The following CXCL13 variants were observed in gnomAD, a reference collection of about 807,000 sequenced individuals.
The protein encoded by CXCL13 is C-X-C motif chemokine 13.
In CXCL13, 7 loss-of-function variants were observed where a neutral mutation model predicts 12.2. The observed-to-expected ratio is 0.57, with a 90% confidence interval of 0.33 to 1.07. CXCL13 has a LOEUF of 1.07. Among genes scored for constraint, CXCL13 ranks in the 50% least tolerant of loss-of-function variants. The probability of loss-of-function intolerance (pLI) is 0.04; values close to 1 mark genes in which losing one functional copy is unlikely to be tolerated. For missense variants in CXCL13, 113 were observed against 127.4 expected (o/e 0.89, Z 0.55); for synonymous variants, 47 against 42.4 (o/e 1.11, Z -0.42).
At chr4:77,557,983 G>A (rs1208376651) in intron 1 of CXCL13, among the ~76,000 whole-genome samples, 3 of 152,194 alleles carry the variant, frequency 2.0e-5, no homozygotes, top group Non-Finnish European at 2.9e-5. Flanking sequence ...TCTTAGGGGT[G>A]TGTTTGCACC....
chr4:77,593,703 A>C (rs1332946334), intron 1 of CXCL13, among the ~76,000 whole-genome samples: 2 of 152,228 alleles, frequency 1.3e-5, no homozygotes, highest in Non-Finnish European at 2.9e-5. Flanking sequence ...AAGAAGAATG[A>C]GCTGTTAAAT....
At chr4:77,547,062 C>A (rs1396801499) in intron 1 of CXCL13, among the ~76,000 whole-genome samples, 1 of 152,210 alleles carries the variant, frequency 6.6e-6, no homozygotes, top group Non-Finnish European at 1.5e-5. Context: ...GAGTGAGTTT[C>A]TTAATCCCAA....
intron 1 of CXCL13, among the ~76,000 whole-genome samples, chr4:77,537,067 G>T (rs1429053740): frequency 6.6e-6 from 1 of 152,188 alleles, no homozygotes; most frequent in Non-Finnish European, 1.5e-5. Context: ...TAGTAGCAAT[G>T]ACATTCAAGG....
At chr4:77,563,132 A>G (rs1210641781) in intron 1 of CXCL13, among the ~76,000 whole-genome samples, 3 of 152,150 alleles carry the variant, frequency 2.0e-5, no homozygotes, top group Admixed American at 6.5e-5. Flanking sequence ...ACCAGAAGGA[A>G]GAAGCTCCAA....
intron 1 of CXCL13, among the ~76,000 whole-genome samples, chr4:77,586,181 C>A (rs1726453210): frequency 6.6e-6 from 1 of 151,778 alleles, no homozygotes; most frequent in Non-Finnish European, 1.5e-5. Flanking sequence ...ATATGCATAA[C>A]CTCGTTTGAA....
At chr4:77,584,634 A>C (rs1182084560) in intron 1 of CXCL13, among the ~76,000 whole-genome samples, 1 of 152,224 alleles carries the variant, frequency 6.6e-6, no homozygotes, top group Non-Finnish European at 1.5e-5. Flanking sequence ...TCTAGGGCAC[A>C]GGAAATGCTG....
chr4:77,545,636 G>A (rs1725343086), intron 1 of CXCL13, among the ~76,000 whole-genome samples: 1 of 152,166 alleles, frequency 6.6e-6, no homozygotes, highest in African/African-American at 2.4e-5. Context: ...ATCAGCTTAA[G>A]GAGATTTTGG....
At chr4:77,513,295 C>A (rs115636641) in intron 1 of CXCL13, among the ~76,000 whole-genome samples, 2 of 152,044 alleles carry the variant, frequency 1.3e-5, no homozygotes, top group Admixed American at 1.3e-4. Context: ...GGGCATATAC[C>A]CAGTGATGGG....
At chr4:77,608,021 G>T (rs530279661) in intron 2 of CXCL13, among the ~76,000 whole-genome samples, 186 bp downstream of exon 2, 1 of 152,260 alleles carries the variant, frequency 6.6e-6, no homozygotes, top group South Asian at 2.1e-4. Flanking sequence ...TGAGCTAAGT[G>T]CTTTACATGC....
rs560145750 is a variant in CXCL13 at position 77,521,043 on chromosome 4, A to G, written c.-43+9255A>G. ...TTTATTGATTTGCGTATGTTGAACC[A>G]GCCTTGCATCCCAGGGATGAAGCCA... is the stretch of plus-strand genomic sequence containing the variant. On this transcript the variant is annotated intron_variant, in intron 1 of 4. Transcript: ENST00000286758. Among the ~76,000 whole-genome samples, 765 of 152,336 alleles carry G rather than the reference A, an allele frequency of 5.0e-3. 5 individuals carry two copies. Among genetic ancestry groups the G allele is most frequent in the Middle Eastern group, 0.034 (10 of 294 alleles).
chr4:77,602,909 G>A (rs355662), upstream of CXCL13, among the ~76,000 whole-genome samples: 109 of 152,278 alleles, frequency 7.2e-4, no homozygotes, highest in African/African-American at 2.5e-3. Context: ...CTGGCTATCA[G>A]AGAGCTGCCC....
rs558629263 is a variant in CXCL13 at position 77,543,346 on chromosome 4, G to A, written c.-43+31558G>A. Among the ~76,000 whole-genome samples the A allele has an allele frequency of 3.3e-5, 5 of 151,762 alleles. No homozygotes were observed. The South Asian group carries it at 1.0e-3, about 32-fold the overall frequency. On this transcript the variant is annotated intron_variant, in intron 1 of 4. Coordinates refer to the CXCL13 transcript ENST00000286758. ...TCATTGATTCTTTGTATGGATTTTT[G>A]GATCTCAATCATTCAGTACTGCTCT...
At chr4:77,558,466 C>T (rs924967855) in intron 1 of CXCL13, among the ~76,000 whole-genome samples, 1 of 152,216 alleles carries the variant, frequency 6.6e-6, no homozygotes, top group Non-Finnish European at 1.5e-5. Context: ...AATTCTCCCA[C>T]TTCAGCCTCC....
At chr4:77,609,642 A>G (rs1030955391) in intron 2 of CXCL13, among the ~76,000 whole-genome samples, 2 of 152,198 alleles carry the variant, frequency 1.3e-5, no homozygotes, top group Non-Finnish European at 2.9e-5. Context: ...TAAATGACAT[A>G]TAAGGAAATT....
chr4:77,610,951 TA>T, intron 3 of CXCL13, 36 bp from the exon 4 acceptor site: 2 of 1,578,134 alleles, frequency 1.3e-6, no homozygotes, highest in Non-Finnish European at 1.7e-6. Flanking sequence ...TGTGTTTCTC[TA>T]AACATGACAA....
intron 1 of CXCL13, among the ~76,000 whole-genome samples, chr4:77,533,755 C>T (rs960931420): frequency 2.3e-4 from 35 of 152,156 alleles, no homozygotes; most frequent in South Asian, 2.1e-4. Flanking sequence ...CCCCCAGCCT[C>T]GCTGCCACCT....
At chr4:77,530,573 T>C (rs1189841627) in intron 1 of CXCL13, among the ~76,000 whole-genome samples, 3 of 152,236 alleles carry the variant, frequency 2.0e-5, no homozygotes, top group Non-Finnish European at 2.9e-5. Flanking sequence ...GAGGTGTTTA[T>C]AGTATTCTCT....
In CXCL13 at chr4:77,607,645, T is replaced by C. The variant is rs1302450350; in HGVS notation, c.65-58T>C. On this transcript the variant is annotated intron_variant, in intron 1 of 3. Coordinates refer to ENST00000682537, the MANE Select transcript of CXCL13 (RefSeq NM_001371558.1). ...CGTTATGAAAGATTAGTAATTAAATTCTAGTTATGAATTACATGCCAATGG... is the reference window on the plus strand; with the variant it reads ...CGTTATGAAAGATTAGTAATTAAATCCTAGTTATGAATTACATGCCAATGG... 103 of 1,519,938 alleles carry C rather than the reference T, an allele frequency of 6.8e-5. No homozygotes were observed. The South Asian group carries it at 1.2e-3, about 18-fold the overall frequency. 94.2% of individuals were successfully genotyped at this position (1,519,938 alleles called of 1,614,324 possible).
chr4:77,548,775 CT>C (rs1168068229), intron 1 of CXCL13, among the ~76,000 whole-genome samples: 2 of 152,136 alleles, frequency 1.3e-5, no homozygotes, highest in East Asian at 3.8e-4. Flanking sequence ...ACATTTTTTC[CT>C]TCATTTCAAC....
Sources: gnomAD v4.1 joint callset for allele counts (sites outside exome capture counted in the v4.1 genomes callset) on GRCh38, gnomAD v4.1.1 for gene constraint, MANE v1.5 for transcripts, NCBI Gene and HGNC (gene_info 2026-07-23, HGNC 2026-07-21) for gene names.